The following TMEM156 variants were observed in gnomAD, a reference collection of about 807,000 sequenced individuals.
TMEM156 encodes transmembrane protein 156.
In TMEM156, 28 loss-of-function variants were observed where a neutral mutation model predicts 30.5. That is an observed-to-expected ratio of 0.92 (90% CI 0.68 to 1.26). The LOEUF is 1.26. Among genes scored for constraint, TMEM156 ranks in the 50% most tolerant of loss-of-function variants. The pLI is 0.00. For synonymous variants in TMEM156, 137 were observed against 119.9 expected (o/e 1.14, Z -0.93); for missense variants, 351 against 340.6 (o/e 1.03, Z -0.24).
intron 6 of TMEM156, among the ~76,000 whole-genome samples, chr4:38,969,927 C>A (rs1722517034): frequency 6.6e-6 from 1 of 152,162 alleles, no homozygotes; most frequent in African/African-American, 2.4e-5. Context: ...TACCCAGTAG[C>A]GGGATTGCTG....
chr4:39,019,882 A>G (rs1714748889), intron 1 of TMEM156, among the ~76,000 whole-genome samples: 1 of 152,188 alleles, frequency 6.6e-6, no homozygotes. Flanking sequence ...TATGCCATAC[A>G]ATAGATCTCC....
chr4:39,018,205 C>T (rs572677277), intron 1 of TMEM156, among the ~76,000 whole-genome samples: 1 of 152,066 alleles, frequency 6.6e-6, no homozygotes, highest in Non-Finnish European at 1.5e-5. Context: ...ATTCTTAAAG[C>T]CTAAAGTCAA....
chr4:38,971,880 C>G (rs1285734329), intron 5 of TMEM156, among the ~76,000 whole-genome samples: 1 of 152,048 alleles, frequency 6.6e-6, no homozygotes, highest in African/African-American at 2.4e-5. Context: ...ACCTCTGCCT[C>G]CCGGGTTCAA....
At chr4:38,987,657 A>T (rs1226537933) in intron 4 of TMEM156, among the ~76,000 whole-genome samples, 1 of 152,168 alleles carries the variant, frequency 6.6e-6, no homozygotes, top group Non-Finnish European at 1.5e-5. Flanking sequence ...TTTAATGAAA[A>T]CTAATTATGC....
intron 1 of TMEM156, among the ~76,000 whole-genome samples, chr4:39,005,918 T>A (rs1281400750): frequency 6.6e-6 from 1 of 152,168 alleles, no homozygotes; most frequent in Non-Finnish European, 1.5e-5. Flanking sequence ...CTTTTTTGAG[T>A]CAGACTCTCA....
intron 5 of TMEM156, among the ~76,000 whole-genome samples, chr4:38,971,926 A>G (rs1009613415): frequency 2.4e-4 from 36 of 151,852 alleles, no homozygotes; most frequent in African/African-American, 8.7e-4. Context: ...AGTAGCTGGG[A>G]TTACAGGCAT....
chr4:38,992,579 T>A (rs1712541680), intron 3 of TMEM156, among the ~76,000 whole-genome samples: 1 of 149,316 alleles, frequency 6.7e-6, no homozygotes, highest in South Asian at 2.1e-4. Context: ...AAACTCCCAT[T>A]TCATCCAGGC....
intron 1 of TMEM156, among the ~76,000 whole-genome samples, chr4:39,005,778 T>C (rs1445110516): frequency 6.6e-6 from 1 of 152,220 alleles, no homozygotes; most frequent in East Asian, 1.9e-4. Flanking sequence ...AACATGTCTT[T>C]AGTGTACACT....
At chr4:39,026,373 A>T (rs1038441760) in intron 1 of TMEM156, among the ~76,000 whole-genome samples, 1 of 72,488 alleles carries the variant, frequency 1.4e-5, no homozygotes, top group Non-Finnish European at 2.7e-5. Context: ...TTAAAAAATT[A>T]AAAAAAAAAG....
chr4:38,999,289 A>T (rs1713172707), intron 1 of TMEM156, among the ~76,000 whole-genome samples: 1 of 151,756 alleles, frequency 6.6e-6, no homozygotes, highest in Non-Finnish European at 1.5e-5. Flanking sequence ...GCCAATTTTT[A>T]AAAAATTATT....
At chr4:38,976,891 T>TTGC (rs1445634625) in intron 5 of TMEM156, among the ~76,000 whole-genome samples, 2 of 14,446 alleles carry the variant, frequency 1.4e-4, no homozygotes, top group African/African-American at 7.5e-4. Context: ...CATTGTTCTT[T>TTGC]TGTTGTTGTT....
In TMEM156 at chr4:38,991,680, C is replaced by T. The variant is rs1174765908; in HGVS notation, c.619+2058G>A. Among the ~76,000 whole-genome samples the T allele has an allele frequency of 2.0e-5, 3 of 152,144 alleles. No homozygotes were observed. The East Asian group carries it at 5.8e-4, about 29-fold the overall frequency. On this transcript the variant is annotated intron_variant, in intron 3 of 6. Coordinates refer to ENST00000381938, the MANE Select transcript of TMEM156 (RefSeq NM_024943.3). ...TTATGGATTTTTTTCCATGAACACA[C>T]ACACAAAAATCTTAAAATTATTATT...
At position 38,986,346 on chromosome 4, in the gene TMEM156, C is replaced by T. The variant is rs1577523919; in HGVS notation, c.813G>A (p.Gln271=). ...TGCCACAGAACTTACCTGAAAGAAC[C>T]TGCACATTCAATGCTCTCAGTTTCT... ...DSEKLRALNV[Q]VLSAETTQRL... The change falls in exon 5 of 7, where the codon CAG becomes CAA. Residue 271 remains glutamine, a synonymous_variant. Transcript: ENST00000381938. 1.9e-6 allele frequency: 3 copies of T among 1,613,674 alleles called. No individual in the cohort carries two copies. The highest frequency in any genetic ancestry group is 2.7e-5 in the African/African-American group (2 of 75,034).
chr4:38,986,807 C>CAAAAAAAAAAAAAA (rs59087758), intron 4 of TMEM156, among the ~76,000 whole-genome samples: 1 of 23,718 alleles, frequency 4.2e-5, no homozygotes, highest in African/African-American at 1.4e-4. Context: ...GACTCCATCT[C>CAAAAAAAAAAAAAA]AAAAAAAAAA....
intron 5 of TMEM156, among the ~76,000 whole-genome samples, chr4:38,984,948 T>C (rs1045687803): frequency 1.1e-4 from 16 of 152,212 alleles, no homozygotes; most frequent in African/African-American, 3.9e-4. Context: ...GTTAGTCTTG[T>C]GGTTAGCTAG....
chr4:39,001,385 T>TTA (rs1553880298), intron 1 of TMEM156, among the ~76,000 whole-genome samples: 3 of 124,612 alleles, frequency 2.4e-5, no homozygotes, highest in African/African-American at 9.1e-5. Context: ...AGACTCCATC[T>TTA]AAAAAAAAAA....
At chr4:39,025,975 G>T (rs2110067926) in intron 1 of TMEM156, among the ~76,000 whole-genome samples, 1 of 152,264 alleles carries the variant, frequency 6.6e-6, no homozygotes, top group Non-Finnish European at 1.5e-5. Context: ...GTATGATTCA[G>T]CAAGTTTGCT....
intron 5 of TMEM156, among the ~76,000 whole-genome samples, chr4:38,979,823 T>C (rs1269778116): frequency 6.6e-6 from 1 of 152,252 alleles, no homozygotes; most frequent in Non-Finnish European, 1.5e-5. Context: ...GATGGTTTAG[T>C]GATTCTTATT....
intron 1 of TMEM156, among the ~76,000 whole-genome samples, chr4:39,028,999 T>C (rs982252284): frequency 1.3e-5 from 2 of 152,200 alleles, no homozygotes; most frequent in African/African-American, 4.8e-5. Context: ...TTATACTGTG[T>C]AATTGTGATA....
Sources: allele counts gnomAD v4.1 joint callset (sites outside exome capture counted in the v4.1 genomes callset), GRCh38; gene constraint gnomAD v4.1.1; transcripts MANE v1.5; gene names NCBI Gene and HGNC (gene_info 2026-07-23, HGNC 2026-07-21).